PCGF5: variants seen among roughly 807,000 people sequenced by gnomAD.
The protein encoded by PCGF5 is polycomb group RING finger protein 5.
PCGF5 carries 9 observed loss-of-function variants against 44.3 expected under a neutral mutation model. That is an observed-to-expected ratio of 0.20 (90% CI 0.12 to 0.35). PCGF5 has a LOEUF of 0.35. Among genes scored for constraint, PCGF5 ranks in the 10% least tolerant of loss-of-function variants. The probability of loss-of-function intolerance (pLI) is 1.00; values close to 1 mark genes in which losing one functional copy is unlikely to be tolerated. For missense variants in PCGF5, 146 were observed against 305.3 expected (o/e 0.48, Z 3.89); for synonymous variants, 95 against 102.5 (o/e 0.93, Z 0.44).
chr10:91,213,016 C>T (rs1306818095), intron 1 of PCGF5, among the ~76,000 whole-genome samples: 2 of 152,164 alleles, frequency 1.3e-5, no homozygotes, highest in Non-Finnish European at 2.9e-5. Context: ...ATAAGTTATA[C>T]TTCCTAAGCG....
At chr10:91,201,407 A>G (rs1344347865) in intron 1 of PCGF5, among the ~76,000 whole-genome samples, 1 of 152,202 alleles carries the variant, frequency 6.6e-6, no homozygotes, top group Admixed American at 6.5e-5. Context: ...AAATGCCATC[A>G]ACGTATGAAT....
At chr10:91,180,276 T>G (rs11594071) in intron 1 of PCGF5, among the ~76,000 whole-genome samples, 54,767 of 152,030 alleles carry the variant, frequency 0.36, 10,687 homozygotes, top group East Asian at 0.52. Flanking sequence ...TTGCAAAAAT[T>G]TTCTCCCATT....
intron 6 of PCGF5, among the ~76,000 whole-genome samples, chr10:91,256,727 G>A (rs1019934129): frequency 1.3e-5 from 2 of 152,000 alleles, no homozygotes; most frequent in Non-Finnish European, 2.9e-5. Context: ...CCCCCAGTAG[G>A]GTTAGTAGCT....
At chr10:91,167,251 A>G (rs1843516431) in intron 1 of PCGF5, among the ~76,000 whole-genome samples, 1 of 152,214 alleles carries the variant, frequency 6.6e-6, no homozygotes, top group Admixed American at 6.5e-5. Flanking sequence ...CCAGCTTACT[A>G]TATATATAAA....
chr10:91,204,138 T>G (rs1165121835), intron 1 of PCGF5, among the ~76,000 whole-genome samples: 5 of 152,190 alleles, frequency 3.3e-5, no homozygotes, highest in Non-Finnish European at 7.4e-5. Context: ...GATTAAACTT[T>G]TAGAATTATG....
At chr10:91,254,926 T>C (rs544692501) in intron 6 of PCGF5, among the ~76,000 whole-genome samples, 28 of 152,226 alleles carry the variant, frequency 1.8e-4, no homozygotes, top group Admixed American at 1.2e-3. Flanking sequence ...TTGTGGCATT[T>C]TAACTTGCTT....
At chr10:91,158,438 G>A (rs1346200224), upstream of PCGF5, among the ~76,000 whole-genome samples, 1 of 152,206 alleles carries the variant, frequency 6.6e-6, no homozygotes, top group Non-Finnish European at 1.5e-5. Flanking sequence ...GGGGGAGGAG[G>A]AAGGGATTCC....
At position 91,279,643 on chromosome 10, in the gene PCGF5, C is replaced by CA. The variant is rs1846401870; in HGVS notation, c.*1332dup. The CA allele has an allele frequency of 1.3e-5, 2 of 152,008 alleles. 1 individual carries two copies. Among genetic ancestry groups the CA allele is most frequent in the South Asian group, 4.1e-4 (2 of 4,832 alleles). The allele number at this position is 152,008 out of a possible 1,614,324, so 9.4% of individuals were successfully genotyped here. A position where few individuals can be genotyped will look rare whatever the true frequency, so the allele number is the denominator to read the frequency against. ...TAAATCTTTTAATATTTACAGTTTTCAAAAACCTTACTTGGAAATTGCTTT... is the reference window on the plus strand; with the variant it reads ...TAAATCTTTTAATATTTACAGTTTTCAAAAAACCTTACTTGGAAATTGCTTT... On this transcript the variant is annotated 3_prime_UTR_variant, in exon 10 of 10. Transcript: ENST00000336126.
chr10:91,227,364 G>T (rs1156488097), intron 2 of PCGF5: 1 of 1,229,588 alleles, frequency 8.1e-7, no homozygotes, highest in Non-Finnish European at 1.1e-6. Context: ...ATGTCCACTT[G>T]GATGTCCTGA....
intron 6 of PCGF5, among the ~76,000 whole-genome samples, chr10:91,259,920 C>G (rs1161484482): frequency 9.9e-5 from 15 of 151,780 alleles, no homozygotes; most frequent in African/African-American, 3.4e-4. Context: ...GACTTCATGT[C>G]TAAAACACCA....
chr10:91,176,859 C>G (rs1843716691), intron 1 of PCGF5, among the ~76,000 whole-genome samples: 1 of 152,024 alleles, frequency 6.6e-6, no homozygotes. Context: ...GAACTTCCTC[C>G]TTTAGCTTGG....
intron 8 of PCGF5, among the ~76,000 whole-genome samples, chr10:91,266,155 T>C (rs1472910430): frequency 6.6e-6 from 1 of 152,186 alleles, no homozygotes; most frequent in African/African-American, 2.4e-5. Context: ...ACACATAATA[T>C]TGTGTTGAAT....
chr10:91,210,760 TA>T (rs1844437593), intron 1 of PCGF5, among the ~76,000 whole-genome samples: 2 of 152,236 alleles, frequency 1.3e-5, no homozygotes, highest in Admixed American at 1.3e-4. Flanking sequence ...GAGCTACATT[TA>T]AAAATAATCA....
In PCGF5 at chr10:91,201,937, T is replaced by G. The variant is rs75240959; in HGVS notation, c.-183-20752T>G. Among the ~76,000 whole-genome samples the G allele has an allele frequency of 9.4e-3, 1,425 of 152,284 alleles. 8 individuals carry two copies. The highest frequency in any genetic ancestry group is 0.016 in the Non-Finnish European group (1,121 of 68,000). Reference sequence around the variant, plus strand: ...GTGTTAGGACTGTTTACTGGCACTATGCTTTTGAAATTGTTAGAAGAAGCA... The same window carrying G: ...GTGTTAGGACTGTTTACTGGCACTAGGCTTTTGAAATTGTTAGAAGAAGCA... On this transcript the variant is annotated intron_variant, in intron 1 of 9. Coordinates refer to the PCGF5 transcript ENST00000614189.
At chr10:91,197,490 G>A (rs1478742074) in intron 1 of PCGF5, among the ~76,000 whole-genome samples, 1 of 152,184 alleles carries the variant, frequency 6.6e-6, no homozygotes, top group East Asian at 1.9e-4. Context: ...TGTTCTCCGT[G>A]TATTATATTA....
rs183554005 is a variant in PCGF5, at chr10:91,269,632, A to G, written c.664-2006A>G. Among the ~76,000 whole-genome samples, 22 of 152,332 alleles carry G rather than the reference A, an allele frequency of 1.4e-4. No individual in the cohort carries two copies. The East Asian group carries it at 2.3e-3, about 16-fold the overall frequency. On this transcript the variant is annotated intron_variant, in intron 8 of 9. Transcript: ENST00000336126. ...AGATTCTTAGAAGTAGATTTTCAGC[A>G]GAGTATGCATGTTTTAAATTTTGAT...
intron 1 of PCGF5, among the ~76,000 whole-genome samples, chr10:91,195,253 A>C (rs1205789729): frequency 6.6e-6 from 1 of 151,972 alleles, no homozygotes; most frequent in Non-Finnish European, 1.5e-5. Flanking sequence ...CGTTGAAAAA[A>C]GTGCCTCTGA....
intron 6 of PCGF5, among the ~76,000 whole-genome samples, chr10:91,257,071 C>A (rs576575094): frequency 2.6e-5 from 4 of 151,946 alleles, no homozygotes; most frequent in Non-Finnish European, 5.9e-5. Context: ...TCTGATAAGC[C>A]TTTAATGTAC....
At chr10:91,174,131 G>T (rs1489399682) in intron 1 of PCGF5, among the ~76,000 whole-genome samples, 1 of 150,086 alleles carries the variant, frequency 6.7e-6, no homozygotes, top group Non-Finnish European at 1.5e-5. Flanking sequence ...ACTGTAATTG[G>T]GCTACAACTT....
Sources: allele counts gnomAD v4.1 joint callset (sites outside exome capture counted in the v4.1 genomes callset), GRCh38; gene constraint gnomAD v4.1.1; transcripts MANE v1.5; gene names NCBI Gene and HGNC (gene_info 2026-07-23, HGNC 2026-07-21).